The following ECE1 variants were observed in gnomAD, a reference collection of about 807,000 sequenced individuals.
ECE1 encodes endothelin converting enzyme 1, also known as endothelin-converting enzyme 1.
In ECE1, 35 loss-of-function variants were observed where a neutral mutation model predicts 98.6. That is an observed-to-expected ratio of 0.35 (90% CI 0.27 to 0.47). ECE1 has a LOEUF of 0.47. Ranked by LOEUF, ECE1 falls within the 20% of genes least tolerant of loss-of-function variation. The pLI, the probability that ECE1 is intolerant of heterozygous loss-of-function variation, is 1.00. For synonymous variants in ECE1, 394 were observed against 407.1 expected, an observed-to-expected ratio of 0.97 and a Z score of 0.39; for missense variants, 814 against 1,025.3, an observed-to-expected ratio of 0.79 and a Z score of 2.81.
Position 21,220,191 on chromosome 1 carries a change from G to T in ECE1, c.2137-60C>A, listed in dbSNP as rs2098165627. 1.9e-6 allele frequency: 3 copies of T among 1,555,798 alleles called. No individual in the cohort carries two copies. Among genetic ancestry groups the T allele is most frequent in the Admixed American group, 3.6e-5 (2 of 55,362 alleles). ...TGTGGGGCCCTCGGGCTGCCAGACT[G>T]CCCCCATTATAACAGCAGGGGAGGC... On this transcript the variant is annotated intron_variant, in intron 18 of 18. Transcript: ENST00000374893. This position sits in a 1 kb window ranked among gnomAD's most constrained non-coding sequence, Gnocchi z 5.0.
At chr1:21,282,217 A>C (rs1263558415) in intron 2 of ECE1, among the ~76,000 whole-genome samples, 1 of 151,010 alleles carries the variant, frequency 6.6e-6, no homozygotes, top group Admixed American at 6.6e-5. Flanking sequence ...TTGAGCCCGG[A>C]AGGTCGAGGC....
chr1:21,229,958 C>A (rs1259735923), intron 14 of ECE1, among the ~76,000 whole-genome samples: 3 of 152,086 alleles, frequency 2.0e-5, no homozygotes, highest in Non-Finnish European at 2.9e-5. Context: ...ACTGCTTGAG[C>A]CCAAGAGTTT....
At chr1:21,232,580 T>A (rs2098183162) in intron 14 of ECE1, among the ~76,000 whole-genome samples, 1 of 152,118 alleles carries the variant, frequency 6.6e-6, no homozygotes, top group Admixed American at 6.6e-5. Context: ...ATTGCAGGCC[T>A]GAGCTACTGT....
intron 1 of ECE1, among the ~76,000 whole-genome samples, chr1:21,337,180 T>C (rs1008423251): frequency 9.8e-5 from 15 of 152,336 alleles, no homozygotes; most frequent in African/African-American, 2.9e-4. Flanking sequence ...AGCCTCAAGC[T>C]GGAATCAACC....
In ECE1 at chr1:21,235,525, G is replaced by A. The variant is rs565848513; in HGVS notation, c.1566+325C>T. ...CACCAATTCTCTCTGCACCTTCTGG[G>A]GTCTGTTTCCTCCATTATTTCCCAC... On this transcript the variant is annotated intron_variant, in intron 13 of 18. Transcript: ENST00000374893. The surrounding 1 kb of genome is among the most constrained non-coding windows in gnomAD (Gnocchi z 4.2). 1.3e-5 allele frequency among the ~76,000 whole-genome samples: 2 copies of A among 152,226 alleles called. No homozygotes were observed. Among genetic ancestry groups the A allele is most frequent in the South Asian group, 4.2e-4 (2 of 4,818 alleles).
At chr1:21,334,839 T>C (rs2103416042) in intron 1 of ECE1, among the ~76,000 whole-genome samples, 1 of 152,232 alleles carries the variant, frequency 6.6e-6, no homozygotes, top group East Asian at 1.9e-4. Context: ...CTACGCCTCC[T>C]CAGCCTCAGG....
At chr1:21,296,684 C>T (rs1234105617) in intron 1 of ECE1, among the ~76,000 whole-genome samples, 1 of 152,204 alleles carries the variant, frequency 6.6e-6, no homozygotes, top group African/African-American at 2.4e-5. Context: ...GACTGAGGCT[C>T]AGAGAAAGGA....
chr1:21,345,253 C>A lies in ECE1; in HGVS notation c.3+123G>T. 1 of 1,170,184 alleles carries A rather than the reference C, an allele frequency of 8.5e-7. No homozygotes were observed. 72.5% of individuals were successfully genotyped at this position (1,170,184 alleles called of 1,614,324 possible). On this transcript the variant is annotated intron_variant, in intron 1 of 18. Transcript: ENST00000415912. The surrounding 1 kb of genome is among the most constrained non-coding windows in gnomAD (Gnocchi z 5.1). Reference sequence around the variant, plus strand: ...CCTTCCGAGAGCCGGGCGGGGGCTGCTGCTGCAGCCGGCGCCCAGCCCCCC... The same window carrying A: ...CCTTCCGAGAGCCGGGCGGGGGCTGATGCTGCAGCCGGCGCCCAGCCCCCC...
chr1:21,320,206 G>A (rs114044358), intron 1 of ECE1, among the ~76,000 whole-genome samples: 2,259 of 152,300 alleles, frequency 0.015, 45 homozygotes, highest in Middle Eastern at 0.031. Flanking sequence ...CTGATACCTG[G>A]TGAGACACTA....
At position 21,307,172 on chromosome 1, in the gene ECE1, C is replaced by A. The variant is rs961849307; in HGVS notation, c.4-17016G>T. Among the ~76,000 whole-genome samples, 14 of 152,212 alleles carry A rather than the reference C, an allele frequency of 9.2e-5. No individual in the cohort carries two copies. The highest frequency in any genetic ancestry group is 2.1e-4 in the South Asian group (1 of 4,834). ...GCTCCCTGCTTAGAACTCCTGTCCA[C>A]ATTACCCCAGCCCGGGCCCTGTAAT... On this transcript the variant is annotated intron_variant, in intron 1 of 18. Coordinates refer to the ECE1 transcript ENST00000415912. The surrounding 1 kb of genome is among the most constrained non-coding windows in gnomAD (Gnocchi z 4.2).
Position 21,280,558 on chromosome 1 carries a change from G to A in ECE1, c.139-1226C>T, listed in dbSNP as rs2098253228. Among the ~76,000 whole-genome samples the A allele has an allele frequency of 3.9e-5, 6 of 152,310 alleles. 1 individual carries two copies. The highest frequency in any genetic ancestry group is 3.4e-3 in the Middle Eastern group (1 of 294). ...CCTGGACTTCCTCTTGAGGACTGGA[G>A]TGACATGATTAGATTTACCCTTTGG... On this transcript the variant is annotated intron_variant, in intron 2 of 18. Transcript: ENST00000374893.
At chr1:21,248,646 A>G (rs2098207547) in intron 8 of ECE1, among the ~76,000 whole-genome samples, 1 of 150,048 alleles carries the variant, frequency 6.7e-6, no homozygotes, top group Non-Finnish European at 1.5e-5. Flanking sequence ...TTTTTTTGAG[A>G]TGGAATCTTG....
At chr1:21,253,588 C>A (rs1035088142) in intron 8 of ECE1, among the ~76,000 whole-genome samples, 1 of 149,886 alleles carries the variant, frequency 6.7e-6, no homozygotes, top group Admixed American at 6.7e-5. Flanking sequence ...CGGTGAAACC[C>A]GGTCTCTACT....
upstream of ECE1, among the ~76,000 whole-genome samples, chr1:21,292,711 A>G (rs893667426): frequency 4.6e-5 from 7 of 152,208 alleles, no homozygotes; most frequent in Non-Finnish European, 1.0e-4. Flanking sequence ...GGGGACAAGT[A>G]GAGGGGAAGT....
At position 21,345,284 on chromosome 1, in the gene ECE1, C is replaced by T; in HGVS notation, c.3+92G>A. 1.6e-6 allele frequency: 2 copies of T among 1,263,910 alleles called. No homozygotes were observed. Among genetic ancestry groups the T allele is most frequent in the Non-Finnish European group, 2.0e-6 (2 of 1,001,372 alleles). 78.3% of individuals were successfully genotyped at this position (1,263,910 alleles called of 1,614,324 possible). A position where few individuals can be genotyped will look rare whatever the true frequency, so the allele number is the denominator to read the frequency against. On this transcript the variant is annotated intron_variant, in intron 1 of 18. Transcript: ENST00000415912. This position sits in a 1 kb window ranked among gnomAD's most constrained non-coding sequence, Gnocchi z 5.1. ...CAGCCGGCGCCCAGCCCCCCGCGAG[C>T]CAGGGCGGCCCCGGGTGCCACCCGC... is the stretch of plus-strand genomic sequence containing the variant.
At chr1:21,279,823 C>G in intron 2 of ECE1, 1 of 637,330 alleles carries the variant, frequency 1.6e-6, no homozygotes, top group Non-Finnish European at 2.0e-6. Context: ...CAAAAACACG[C>G]GAGCCACCTT....
At chr1:21,321,259 A>C (rs1348057567) in intron 1 of ECE1, among the ~76,000 whole-genome samples, 2 of 152,112 alleles carry the variant, frequency 1.3e-5, no homozygotes, top group Admixed American at 1.3e-4. Flanking sequence ...CCATATAAAC[A>C]ACCCTAACAT....
intron 10 of ECE1, among the ~76,000 whole-genome samples, chr1:21,239,263 G>A (rs909056677): frequency 6.6e-6 from 1 of 152,200 alleles, no homozygotes; most frequent in African/African-American, 2.4e-5. Context: ...GCCCAGGGAC[G>A]CGTGCTGGGC....
At chr1:21,344,857 TC>T (rs1639467640) in intron 1 of ECE1, 1 of 152,746 alleles carries the variant, frequency 6.5e-6, no homozygotes, top group African/African-American at 2.4e-5. Flanking sequence ...GGATCAGCAG[TC>T]CCAGAGGGCC....
Sources: gnomAD v4.1 joint callset for allele counts (sites outside exome capture counted in the v4.1 genomes callset) on GRCh38, gnomAD v4.1.1 for gene constraint, Gnocchi (gnomAD v3.1) non-coding constraint, MANE v1.5 for transcripts, NCBI Gene and HGNC (gene_info 2026-07-23, HGNC 2026-07-21) for gene names.